The following STXBP5L variants were observed in gnomAD, a reference collection of about 807,000 sequenced individuals.
STXBP5L encodes the protein syntaxin-binding protein 5-like.
In STXBP5L, 65 loss-of-function variants were observed where a neutral mutation model predicts 144.5. The observed-to-expected ratio is 0.45, with a 90% CI of 0.37 to 0.55. The LOEUF is 0.55. Among genes scored for constraint, STXBP5L ranks in the 20% least tolerant of loss-of-function variants. The probability of loss-of-function intolerance (pLI) is 0.00; values close to 1 mark genes in which losing one functional copy is unlikely to be tolerated. For synonymous variants in STXBP5L, 505 were observed against 469.6 expected (o/e 1.08, Z -0.97); for missense variants, 1,298 against 1,405.5 (o/e 0.92, Z 1.22).
At position 120,909,669 on chromosome 3, in the gene STXBP5L, G is replaced by C. The variant is rs1708723661; in HGVS notation, c.91G>C (p.Gly31Arg). 1 of 1,613,334 alleles carries C rather than the reference G, an allele frequency of 6.2e-7. No homozygotes were observed. ...CAGCAGTGGCAGTAACAGTGGTGGT[G>C]GGGCTGGAAGTGGTTCCGTACATCC... ...GSSSGSNSGG[G>R]AGSGSVHPAG... Residue 31 changes from glycine to arginine, a missense_variant, in exon 2 of 27, where the codon GGG becomes CGG. Gly to Arg is a moderately radical substitution (Grantham distance 125). Transcript: ENST00000471454.
intron 7 of STXBP5L, among the ~76,000 whole-genome samples, chr3:121,136,969 A>C (rs992983432): frequency 3.9e-5 from 6 of 152,190 alleles, no homozygotes; most frequent in African/African-American, 1.4e-4. Flanking sequence ...AACCAAATTA[A>C]CACAGGAACA....
At chr3:121,017,253 A>C (rs1053002726) in intron 3 of STXBP5L, among the ~76,000 whole-genome samples, 1 of 152,202 alleles carries the variant, frequency 6.6e-6, no homozygotes, top group Non-Finnish European at 1.5e-5. Flanking sequence ...ACACATGATA[A>C]AAACCCTCAA....
chr3:121,057,718 T>C (rs995986042), intron 5 of STXBP5L, among the ~76,000 whole-genome samples: 1 of 152,092 alleles, frequency 6.6e-6, no homozygotes, highest in African/African-American at 2.4e-5. Context: ...GATTAACCAT[T>C]CTATTTTAGT....
intron 11 of STXBP5L, among the ~76,000 whole-genome samples, chr3:121,233,402 T>C (rs530588074): frequency 6.6e-6 from 1 of 152,324 alleles, no homozygotes; most frequent in Admixed American, 6.5e-5. Context: ...TATGCTACTT[T>C]TAATTTTTTT....
At chr3:121,112,833 A>G (rs2044053990) in intron 5 of STXBP5L, among the ~76,000 whole-genome samples, 1 of 152,254 alleles carries the variant, frequency 6.6e-6, no homozygotes, top group South Asian at 2.1e-4. Context: ...GTGTAATTAT[A>G]AAATACAATA....
At chr3:121,113,833 C>A (rs1359892819) in intron 5 of STXBP5L, among the ~76,000 whole-genome samples, 1 of 151,800 alleles carries the variant, frequency 6.6e-6, no homozygotes, top group African/African-American at 2.4e-5. Flanking sequence ...CCACCACGCC[C>A]GGCTAATTTT....
intron 20 of STXBP5L, among the ~76,000 whole-genome samples, chr3:121,327,238 C>A (rs1424625304): frequency 6.6e-6 from 1 of 152,096 alleles, no homozygotes; most frequent in Non-Finnish European, 1.5e-5. Flanking sequence ...CTAGACAAAA[C>A]CATAATGTAA....
At chr3:121,399,584 G>A (rs2046820342) in intron 22 of STXBP5L, among the ~76,000 whole-genome samples, 1 of 152,192 alleles carries the variant, frequency 6.6e-6, no homozygotes, top group African/African-American at 2.4e-5. Context: ...ATCCCTTATG[G>A]GAAATGAAGG....
chr3:121,191,814 T>C (rs2047697365), intron 9 of STXBP5L, among the ~76,000 whole-genome samples: 1 of 152,110 alleles, frequency 6.6e-6, no homozygotes, highest in African/African-American at 2.4e-5. Flanking sequence ...TGGATGAAGC[T>C]GGAAACCATC....
chr3:121,074,737 T>G (rs866711055), intron 5 of STXBP5L, among the ~76,000 whole-genome samples: 1 of 152,192 alleles, frequency 6.6e-6, no homozygotes, highest in Admixed American at 6.5e-5. Flanking sequence ...TCATGCCTTT[T>G]CTTTGACCTA....
chr3:121,074,552 A>T (rs1319639726), intron 5 of STXBP5L, among the ~76,000 whole-genome samples: 1 of 152,116 alleles, frequency 6.6e-6, no homozygotes, highest in Non-Finnish European at 1.5e-5. Flanking sequence ...CCACCACTAC[A>T]TGTGCCTGAT....
At chr3:121,218,290 A>G (rs973933830) in intron 10 of STXBP5L, among the ~76,000 whole-genome samples, 1 of 142,980 alleles carries the variant, frequency 7.0e-6, no homozygotes, top group African/African-American at 2.6e-5. Context: ...TATATACTAT[A>G]CATAGTATAA....
At position 121,279,911 on chromosome 3, in the gene STXBP5L, C is replaced by T; in HGVS notation, c.2065C>T (p.Gln689Ter). ...CCTATATAGATCAAGTGACTTATAC[C>T]AGCGACAACCACGGTCTCCTCGAAA... The part of the protein sequence containing the change: ...IDLYRSSDLY[Q>*]RQPRSPRKNK... Residue 689 changes from glutamine to a stop codon, truncating the protein, a stop_gained, in exon 19 of 27, where the codon CAG (glutamine) becomes TAG (stop). Transcript: ENST00000471454. LOFTEE classifies it high-confidence loss of function. The T allele has an allele frequency of 6.2e-7, 1 of 1,612,240 alleles. No homozygotes were observed.
At chr3:121,257,123 G>C in intron 16 of STXBP5L, 38 bp from the exon 17 acceptor site, 1 of 1,449,688 alleles carries the variant, frequency 6.9e-7, no homozygotes, top group African/African-American at 1.4e-5. Context: ...ATGATTATTA[G>C]TGTGACTTAA....
At chr3:121,211,969 T>A (rs9842668) in intron 10 of STXBP5L, among the ~76,000 whole-genome samples, 15,086 of 152,150 alleles carry the variant, frequency 0.099, 1,173 homozygotes, top group Admixed American at 0.2. Flanking sequence ...ATGACCAGTG[T>A]TGATGAGCTT....
At chr3:121,065,860 C>T (rs2041518156) in intron 5 of STXBP5L, among the ~76,000 whole-genome samples, 1 of 152,180 alleles carries the variant, frequency 6.6e-6, no homozygotes, top group Non-Finnish European at 1.5e-5. Flanking sequence ...TTGTTGGTAG[C>T]ATTCATATCC....
At chr3:121,050,894 A>G (rs2107588528) in intron 5 of STXBP5L, among the ~76,000 whole-genome samples, 1 of 152,312 alleles carries the variant, frequency 6.6e-6, no homozygotes, top group Middle Eastern at 3.4e-3. Context: ...AGGAAGATCT[A>G]CCAAGCAAAT....
At chr3:121,338,497 A>G (rs1037180092) in intron 20 of STXBP5L, among the ~76,000 whole-genome samples, 1 of 149,952 alleles carries the variant, frequency 6.7e-6, no homozygotes, top group African/African-American at 2.5e-5. Flanking sequence ...TACAAAAATT[A>G]GCTGGGGGTG....
chr3:120,994,866 A>G (rs1317225815), intron 3 of STXBP5L, among the ~76,000 whole-genome samples: 1 of 152,012 alleles, frequency 6.6e-6, no homozygotes, highest in East Asian at 1.9e-4. Context: ...AGTTCTTCAT[A>G]CATTTGGTAG....
Sources: gnomAD v4.1 joint callset for allele counts (sites outside exome capture counted in the v4.1 genomes callset) on GRCh38, gnomAD v4.1.1 for gene constraint, MANE v1.5 for transcripts, NCBI Gene and HGNC (gene_info 2026-07-23, HGNC 2026-07-21) for gene names.